The following LINGO1 variants were observed in gnomAD, a reference collection of about 807,000 sequenced individuals.
LINGO1 encodes leucine-rich repeat and immunoglobulin-like domain-containing nogo receptor-interacting protein 1.
Under a neutral mutation model 37.3 loss-of-function variants are expected in LINGO1, and 11 were observed. The observed-to-expected ratio is 0.29, with a 90% CI of 0.19 to 0.49. LINGO1 has a LOEUF of 0.49. Among genes scored for constraint, LINGO1 ranks in the 20% least tolerant of loss-of-function variants. The pLI is 0.99. For synonymous variants in LINGO1, 387 were observed against 403.0 expected (o/e 0.96, Z 0.48); for missense variants, 585 against 878.2 (o/e 0.67, Z 4.22).
At chr15:77,679,927 A>T (rs1022539661) in intron 2 of LINGO1, among the ~76,000 whole-genome samples, 16 of 152,222 alleles carry the variant, frequency 1.1e-4, no homozygotes, top group African/African-American at 3.9e-4. Context: ...TGGCTCTGAA[A>T]ATGGTCCCAC....
At chr15:77,805,086 G>C (rs1362869154) in intron 1 of LINGO1, among the ~76,000 whole-genome samples, 1 of 152,220 alleles carries the variant, frequency 6.6e-6, no homozygotes, top group Non-Finnish European at 1.5e-5. Flanking sequence ...TTGCACCCTG[G>C]GCTGGGCTTA....
At chr15:77,644,786 A>G (rs1286146510) in intron 3 of LINGO1, among the ~76,000 whole-genome samples, 1 of 152,184 alleles carries the variant, frequency 6.6e-6, no homozygotes. Flanking sequence ...GGGTGAGGTA[A>G]GTTGCACTGG....
chr15:77,708,979 A>T (rs928930077), intron 2 of LINGO1, among the ~76,000 whole-genome samples: 1 of 152,158 alleles, frequency 6.6e-6, no homozygotes, highest in African/African-American at 2.4e-5. Context: ...ATGAAGATGG[A>T]GGCAGAGGCT....
intron 2 of LINGO1, among the ~76,000 whole-genome samples, chr15:77,713,499 C>T (rs561871074): frequency 1.4e-5 from 2 of 148,040 alleles, no homozygotes; most frequent in South Asian, 2.3e-4. Flanking sequence ...AAGCGGGAGG[C>T]GTGGGAGCAG....
At chr15:77,635,130 G>T (rs529777135), upstream of LINGO1, among the ~76,000 whole-genome samples, 1 of 152,178 alleles carries the variant, frequency 6.6e-6, no homozygotes, top group Admixed American at 6.5e-5. Flanking sequence ...ATCCCTCCGC[G>T]CCTCGGAGGC....
intron 1 of LINGO1, among the ~76,000 whole-genome samples, chr15:77,769,907 T>A (rs2076567404): frequency 6.6e-6 from 1 of 152,132 alleles, no homozygotes; most frequent in Non-Finnish European, 1.5e-5. Context: ...TCTGCCCCAT[T>A]TTCAGGTGAA....
chr15:77,760,916 CT>C (rs34524098), intron 1 of LINGO1, among the ~76,000 whole-genome samples: 182 of 96,394 alleles, frequency 1.9e-3, no homozygotes, highest in African/African-American at 5.2e-3. Context: ...TAATAAGTAT[CT>C]TTTTTTTTTT....
intron 1 of LINGO1, among the ~76,000 whole-genome samples, chr15:77,694,257 C>T (rs903585760): frequency 2.0e-5 from 3 of 151,912 alleles, no homozygotes; most frequent in African/African-American, 7.3e-5. Context: ...GATCACAGAA[C>T]GCTCCCACCG....
chr15:77,630,843 CT>C (rs1394379308), intron 1 of LINGO1, among the ~76,000 whole-genome samples: 1 of 152,184 alleles, frequency 6.6e-6, no homozygotes, highest in Non-Finnish European at 1.5e-5. Context: ...TCTGTGCCCT[CT>C]TTCAGCACGG....
chr15:77,664,114 T>C (rs2075059662), intron 3 of LINGO1, among the ~76,000 whole-genome samples: 1 of 149,438 alleles, frequency 6.7e-6, no homozygotes, highest in Non-Finnish European at 1.5e-5. Flanking sequence ...CTTCCTCTCT[T>C]CTGCCACACA....
intron 1 of LINGO1, among the ~76,000 whole-genome samples, chr15:77,777,465 GCACACA>G (rs112112009): frequency 0.037 from 5,128 of 140,078 alleles, 130 homozygotes; most frequent in Middle Eastern, 0.056. Context: ...ATACACACAC[GCACACA>G]CACACACACA....
intron 1 of LINGO1, among the ~76,000 whole-genome samples, chr15:77,693,532 T>TCCCAA (rs1207412309): frequency 1.3e-5 from 2 of 152,114 alleles, no homozygotes; most frequent in Non-Finnish European, 2.9e-5. Context: ...GGGCTTTGGA[T>TCCCAA]TTCATCCCAA....
chr15:77,721,737 C>T (rs1446169838), intron 2 of LINGO1, among the ~76,000 whole-genome samples: 1 of 152,262 alleles, frequency 6.6e-6, no homozygotes, highest in East Asian at 1.9e-4. Context: ...TCCTGCATAG[C>T]GTTGGCCTTG....
At chr15:77,795,162 G>T (rs2076862826) in intron 2 of LINGO1, among the ~76,000 whole-genome samples, 1 of 152,194 alleles carries the variant, frequency 6.6e-6, no homozygotes, top group Non-Finnish European at 1.5e-5. Flanking sequence ...GAGAACAGAG[G>T]ATTGGCCCAG....
At chr15:77,627,732 T>C (rs957303462) in intron 1 of LINGO1, among the ~76,000 whole-genome samples, 4 of 152,202 alleles carry the variant, frequency 2.6e-5, no homozygotes, top group Admixed American at 1.3e-4. Flanking sequence ...CTGGGGTTCC[T>C]GGAATTTGCT....
At position 77,632,106 on chromosome 15, in the gene LINGO1, G is replaced by T. The variant is rs112948516; in HGVS notation, c.6+204C>A. Reference sequence around the variant, plus strand: ...AGCTTACAAACCCGGAATTTGTTGGGGTTGGAGAGAGGGGAGGTGGAAAAG... The same window carrying T: ...AGCTTACAAACCCGGAATTTGTTGGTGTTGGAGAGAGGGGAGGTGGAAAAG... On this transcript the variant is annotated intron_variant, in intron 1 of 1. Coordinates refer to ENST00000355300, the MANE Select transcript of LINGO1 (RefSeq NM_032808.7). The surrounding 1 kb of genome is among the most constrained non-coding windows in gnomAD (Gnocchi z 6.0). 2.7e-3 allele frequency among the ~76,000 whole-genome samples: 416 copies of T among 152,332 alleles called. 3 individuals are homozygous for T. The highest frequency in any genetic ancestry group is 9.9e-3 in the African/African-American group (410 of 41,588).
intron 2 of LINGO1, among the ~76,000 whole-genome samples, chr15:77,727,194 C>T (rs147309388): frequency 7.2e-5 from 11 of 152,310 alleles, no homozygotes; most frequent in Admixed American, 5.2e-4. Flanking sequence ...AATTACCATT[C>T]GATCCAGCAA....
rs1301868387 is a variant in LINGO1 at position 77,817,039 on chromosome 15, G to C, written c.-458+3219C>G. Reference sequence around the variant, plus strand: ...GGCCATGATCAGCCAGAGCCAACAAGGGAGGAGCAGGGAGAGGCAGAGAGA... The same window carrying C: ...GGCCATGATCAGCCAGAGCCAACAACGGAGGAGCAGGGAGAGGCAGAGAGA... On this transcript the variant is annotated intron_variant, in intron 1 of 5. Transcript: ENST00000562933. Among the ~76,000 whole-genome samples the C allele has an allele frequency of 9.1e-5, 5 of 54,898 alleles. No homozygotes were observed. The East Asian group carries it at 3.5e-3, about 39-fold the overall frequency. 36.0% of individuals were successfully genotyped at this position (54,898 alleles called of 152,430 possible).
intron 2 of LINGO1, among the ~76,000 whole-genome samples, chr15:77,793,348 A>G (rs1367229687): frequency 6.6e-6 from 1 of 152,214 alleles, no homozygotes; most frequent in African/African-American, 2.4e-5. Context: ...GCACCGAGGG[A>G]GGGAGCAACA....
Sources: gnomAD v4.1 joint callset for allele counts (sites outside exome capture counted in the v4.1 genomes callset) on GRCh38, gnomAD v4.1.1 for gene constraint, Gnocchi (gnomAD v3.1) non-coding constraint, MANE v1.5 for transcripts, NCBI Gene and HGNC (gene_info 2026-07-23, HGNC 2026-07-21) for gene names.